Variants in DPF3 observed in about 807,000 individuals in gnomAD.
DPF3 encodes zinc finger protein DPF3.
In DPF3, 18 loss-of-function variants were observed where a neutral mutation model predicts 56.8. That is an observed-to-expected ratio of 0.32 (90% CI 0.22 to 0.47). The LOEUF is 0.47. DPF3 is among the 20% of genes least tolerant of loss of function. DPF3 has a pLI of 1.00. For missense variants in DPF3, 403 were observed against 488.8 expected (o/e 0.82, Z 1.65); for synonymous variants, 188 against 180.2 (o/e 1.04, Z -0.35).
chr14:72,771,226 C>T (rs115946518), intron 2 of DPF3, among the ~76,000 whole-genome samples: 4,432 of 151,922 alleles, frequency 0.029, 215 homozygotes, highest in African/African-American at 0.1. Context: ...CACATACTTG[C>T]TATGTGCTAA....
At chr14:72,845,900 C>T (rs1282233495) in intron 1 of DPF3, among the ~76,000 whole-genome samples, 1 of 152,090 alleles carries the variant, frequency 6.6e-6, no homozygotes, top group African/African-American at 2.4e-5. Flanking sequence ...GAGGATACCC[C>T]AACCCTTGTC....
chr14:72,883,937 A>G (rs1261732692), intron 1 of DPF3, among the ~76,000 whole-genome samples: 1 of 151,116 alleles, frequency 6.6e-6, no homozygotes, highest in Non-Finnish European at 1.5e-5. Flanking sequence ...AAAAAAAAAA[A>G]AAAAAGAAAA....
intron 8 of DPF3, among the ~76,000 whole-genome samples, chr14:72,638,357 T>C (rs1885444794): frequency 6.6e-6 from 1 of 152,232 alleles, no homozygotes; most frequent in Non-Finnish European, 1.5e-5. Flanking sequence ...TCTCTGGACC[T>C]CAGGAGCATC....
At chr14:72,645,799 AC>A (rs201522631) in intron 8 of DPF3, among the ~76,000 whole-genome samples, 1 of 140,594 alleles carries the variant, frequency 7.1e-6, no homozygotes, top group Non-Finnish European at 1.5e-5. Context: ...TACACCCCCC[AC>A]CCCCCAAAAA....
At chr14:72,891,755 T>C (rs1380748796) in intron 1 of DPF3, among the ~76,000 whole-genome samples, 1 of 152,042 alleles carries the variant, frequency 6.6e-6, no homozygotes, top group African/African-American at 2.4e-5. Context: ...GGAAAGGGTC[T>C]GGGAAGCAGA....
chr14:72,641,654 C>T (rs376079749), intron 8 of DPF3, among the ~76,000 whole-genome samples: 29 of 152,132 alleles, frequency 1.9e-4, no homozygotes, highest in Admixed American at 1.3e-4. Flanking sequence ...GGGAGCCAAA[C>T]GGAATGGTGA....
At chr14:72,871,942 C>T (rs989024911) in intron 1 of DPF3, among the ~76,000 whole-genome samples, 1 of 152,246 alleles carries the variant, frequency 6.6e-6, no homozygotes, top group African/African-American at 2.4e-5. Flanking sequence ...CAGAGGTTCT[C>T]CCTGAGGGCC....
chr14:72,633,801 G>A (rs552380353), intron 8 of DPF3, among the ~76,000 whole-genome samples: 2 of 152,222 alleles, frequency 1.3e-5, no homozygotes, highest in African/African-American at 2.4e-5. Flanking sequence ...CGGGGGTGGC[G>A]TGTGCTGCAT....
intron 1 of DPF3, among the ~76,000 whole-genome samples, chr14:72,809,969 T>C (rs1324041917): frequency 6.6e-6 from 1 of 152,156 alleles, no homozygotes; most frequent in African/African-American, 2.4e-5. Context: ...CTTCTTGGGG[T>C]TATTTAGAGA....
chr14:72,861,801 A>AAGAAAGAT, intron 1 of DPF3, among the ~76,000 whole-genome samples: 1 of 150,534 alleles, frequency 6.6e-6, no homozygotes, highest in Non-Finnish European at 1.5e-5. Context: ...GAAAGAAAGA[A>AAGAAAGAT]AGAAGGAAAG....
chr14:72,704,508 T>C (rs937488189), intron 6 of DPF3, among the ~76,000 whole-genome samples: 1 of 152,090 alleles, frequency 6.6e-6, no homozygotes, highest in Non-Finnish European at 1.5e-5. Flanking sequence ...TTCCAGGCTA[T>C]CCAGTGTGAT....
At chr14:72,704,938 C>T (rs1407763591) in intron 6 of DPF3, among the ~76,000 whole-genome samples, 3 of 152,180 alleles carry the variant, frequency 2.0e-5, no homozygotes, top group Non-Finnish European at 2.9e-5. Flanking sequence ...AGGCTCTTCT[C>T]GGTCATCAGG....
chr14:72,701,851 G>A (rs1358633798), intron 6 of DPF3, among the ~76,000 whole-genome samples: 1 of 152,140 alleles, frequency 6.6e-6, no homozygotes, highest in African/African-American at 2.4e-5. Flanking sequence ...GCTCTGCCCC[G>A]TGGCACTGAC....
At chr14:72,854,438 C>T (rs2140088422) in intron 1 of DPF3, among the ~76,000 whole-genome samples, 1 of 152,246 alleles carries the variant, frequency 6.6e-6, no homozygotes, top group East Asian at 1.9e-4. Context: ...TCAACTTCTT[C>T]AGTCATTTAA....
Position 72,654,455 on chromosome 14 carries a change from C to A in DPF3, c.871+19785G>T, listed in dbSNP as rs970565723. ...GGCACTTAATTTTAAATGGTCTTGTCTTGAATAATATGCTAACCACCTCTT... is the reference window on the plus strand; with the variant it reads ...GGCACTTAATTTTAAATGGTCTTGTATTGAATAATATGCTAACCACCTCTT... On this transcript the variant is annotated intron_variant, in intron 8 of 10. Coordinates refer to ENST00000556509, the MANE Select transcript of DPF3 (RefSeq NM_001280542.3). Among the ~76,000 whole-genome samples, 16 of 152,310 alleles carry A rather than the reference C, an allele frequency of 1.1e-4. 1 individual carries two copies. In the South Asian group the frequency reaches 2.3e-3, roughly 22 times the overall value.
At chr14:72,714,262 G>A (rs1264558689) in intron 6 of DPF3, among the ~76,000 whole-genome samples, 161 bp downstream of exon 6, 1 of 152,210 alleles carries the variant, frequency 6.6e-6, no homozygotes, top group Non-Finnish European at 1.5e-5. Flanking sequence ...AGGAAGTGGT[G>A]ACTGCGGTGG....
chr14:72,754,596 A>G (rs991460237), intron 2 of DPF3, among the ~76,000 whole-genome samples: 1 of 152,220 alleles, frequency 6.6e-6, no homozygotes, highest in African/African-American at 2.4e-5. Flanking sequence ...CACTGTGCAC[A>G]CCTAGGACCA....
chr14:72,624,420 C>G (rs1331805823), intron 9 of DPF3, among the ~76,000 whole-genome samples: 1 of 149,392 alleles, frequency 6.7e-6, no homozygotes, highest in Non-Finnish European at 1.5e-5. Flanking sequence ...CTCACTGCAG[C>G]CTCCTTCTCC....
intron 4 of DPF3, among the ~76,000 whole-genome samples, chr14:72,730,662 A>G (rs1889603533): frequency 6.6e-6 from 1 of 151,578 alleles, no homozygotes; most frequent in South Asian, 2.1e-4. Context: ...AAATTAATAA[A>G]TTTATTGAAT....
Sources: allele counts gnomAD v4.1 joint callset (sites outside exome capture counted in the v4.1 genomes callset), GRCh38; gene constraint gnomAD v4.1.1; transcripts MANE v1.5; gene names NCBI Gene and HGNC (gene_info 2026-07-23, HGNC 2026-07-21).